DNAH6: variants seen among roughly 807,000 people sequenced by gnomAD.
DNAH6 encodes dynein axonemal heavy chain 6, also known as axonemal beta dynein heavy chain 6.
In DNAH6, 340 loss-of-function variants were observed where a neutral mutation model predicts 491.4. The ratio of observed to expected loss-of-function variants is 0.69; its 90% CI spans 0.63 to 0.76. DNAH6 has a LOEUF of 0.76. Ranked by LOEUF, DNAH6 falls within the 30% of genes least tolerant of loss-of-function variation. The probability of loss-of-function intolerance (pLI) is 0.00; values close to 1 mark genes in which losing one functional copy is unlikely to be tolerated. For synonymous variants in DNAH6, 1,603 were observed against 1,686.1 expected (o/e 0.95, Z 1.21); for missense variants, 4,443 against 4,972.2 (o/e 0.89, Z 3.20).
rs139236007 is a variant in DNAH6, at chr2:84,743,612, A to G, written c.10343-1468A>G. 1.0e-2 allele frequency among the ~76,000 whole-genome samples: 1,522 copies of G among 152,242 alleles called. 27 individuals carry two copies. Among genetic ancestry groups the G allele is most frequent in the African/African-American group, 0.034 (1,429 of 41,542 alleles). On this transcript the variant is annotated intron_variant, in intron 62 of 76. Transcript: ENST00000389394. ...TGAGGCGAGTGGATTGCCTGAGCTC[A>G]GGAGTTGGAGACCAGCCTGGCCAAC...
chr2:84,606,641 A>C (rs536289986), intron 20 of DNAH6, among the ~76,000 whole-genome samples: 2 of 152,210 alleles, frequency 1.3e-5, no homozygotes, highest in Non-Finnish European at 2.9e-5. Flanking sequence ...AGGCAAGCCC[A>C]GGTGACCAAA....
chr2:84,584,034 T>C lies in DNAH6; in HGVS notation c.2265T>C (p.Thr755=), dbSNP rs1208954349. ...TTGAAGATGAGGGGAATATAGTGAC[T>C]CAAATGTACAAGCTTATGGAACAAT... is the stretch of plus-strand genomic sequence containing the variant. ...ESLEDEGNIV[T]QMYKLMEQYQ... Residue 755 remains threonine (T), a synonymous_variant, in exon 15 of 77, where the codon ACT becomes ACC. Transcript: ENST00000389394. The C allele has an allele frequency of 2.5e-6, 4 of 1,614,030 alleles. No individual in the cohort carries two copies. In the Admixed American group the frequency reaches 5.0e-5, roughly 20 times the overall value.
In DNAH6 at chr2:84,681,835, C is replaced by A. The variant is rs141596616; in HGVS notation, c.6916+307C>A. Reference sequence around the variant, plus strand: ...GCATCTTCCTTCCCTGGGCTGAGCTCCCCCTCCATCTGTCAGTGTCAATGC... The same window carrying A: ...GCATCTTCCTTCCCTGGGCTGAGCTACCCCTCCATCTGTCAGTGTCAATGC... On this transcript the variant is annotated intron_variant, in intron 42 of 76. Transcript: ENST00000389394. 2.8e-3 allele frequency among the ~76,000 whole-genome samples: 424 copies of A among 152,204 alleles called. 2 individuals carry two copies. The highest frequency in any genetic ancestry group is 9.5e-3 in the African/African-American group (394 of 41,512).
chr2:84,650,542 C>A (rs1010553120), intron 33 of DNAH6, among the ~76,000 whole-genome samples: 3 of 145,354 alleles, frequency 2.1e-5, no homozygotes, highest in Non-Finnish European at 4.5e-5. Flanking sequence ...TCTTTTGTTT[C>A]TATTGTGTTC....
chr2:84,727,328 C>G (rs1018810954), intron 60 of DNAH6, among the ~76,000 whole-genome samples: 2 of 152,042 alleles, frequency 1.3e-5, no homozygotes, highest in Non-Finnish European at 2.9e-5. Context: ...GAATTCTAGA[C>G]TTTTTCATAG....
At position 84,548,370 on chromosome 2, in the gene DNAH6, A is replaced by G. The variant is rs774188153; in HGVS notation, c.1269A>G (p.Thr423=). Reference sequence around the variant, plus strand: ...CTTATGGAGACTCTGAGAAAATGACATATACAGAACAGGCCAGCAAAAGGC... The same window carrying G: ...CTTATGGAGACTCTGAGAAAATGACGTATACAGAACAGGCCAGCAAAAGGC... ...LPTYGDSEKM[T]YTEQASKRHY... The change falls in exon 8 of 77, where the codon ACA becomes ACG. Residue 423 remains threonine, a synonymous_variant. Coordinates refer to ENST00000389394, the MANE Select transcript of DNAH6 (RefSeq NM_001370.2). The G allele has an allele frequency of 1.2e-6, 2 of 1,614,066 alleles. No individual in the cohort carries two copies. Among genetic ancestry groups the G allele is most frequent in the Non-Finnish European group, 1.7e-6 (2 of 1,179,968 alleles).
chr2:84,675,862 G>A (rs77521680), intron 40 of DNAH6, among the ~76,000 whole-genome samples: 4,358 of 152,114 alleles, frequency 0.029, 229 homozygotes, highest in African/African-American at 0.099. Flanking sequence ...GTTTCGTCGT[G>A]TTGCCCAACC....
At chr2:84,602,006 C>G (rs1421012866) in intron 18 of DNAH6, among the ~76,000 whole-genome samples, 2 of 151,956 alleles carry the variant, frequency 1.3e-5, no homozygotes, top group African/African-American at 4.8e-5. Context: ...TATAATAGTA[C>G]ACACCCAATT....
intron 40 of DNAH6, among the ~76,000 whole-genome samples, 191 bp downstream of exon 40, chr2:84,672,675 C>T (rs1337930290): frequency 6.6e-6 from 1 of 152,168 alleles, no homozygotes; most frequent in African/African-American, 2.4e-5. Context: ...TTCTTCTGAA[C>T]ACTCTTTCCT....
chr2:84,728,685 A>G (rs1698872927), intron 61 of DNAH6, among the ~76,000 whole-genome samples: 2 of 152,190 alleles, frequency 1.3e-5, no homozygotes, highest in Admixed American at 6.5e-5. Context: ...ATTATAAAGC[A>G]TGGGAAGTGA....
rs191226772 is a variant in DNAH6 at position 84,569,300 on chromosome 2, T to C, written c.1804-4167T>C. On this transcript the variant is annotated intron_variant, in intron 11 of 76. Coordinates refer to ENST00000389394, the MANE Select transcript of DNAH6 (RefSeq NM_001370.2). The stretch of plus-strand genomic sequence containing the variant: ...ACAAAAGAATATCTATAGTATACTA[T>C]AGATATTCAGAAGTTTATGTCAGAA... 1.2e-4 allele frequency among the ~76,000 whole-genome samples: 19 copies of C among 152,070 alleles called. No individual in the cohort carries two copies. In the East Asian group the frequency reaches 2.5e-3, roughly 20 times the overall value.
Position 84,733,575 on chromosome 2 carries a change from C to CTT in DNAH6, c.10339_10340dup (p.Leu3447PhefsTer2), listed in dbSNP as rs1196362467. 1 of 1,550,958 alleles carries CTT rather than the reference C, an allele frequency of 6.4e-7. No homozygotes were observed. The highest frequency in any genetic ancestry group is 1.4e-5 in the African/African-American group (1 of 73,012). ...TATTGTCACATCCTATTTCCATACG[C>CTT]TTAGGTAATGTGACAAAAAGAACCT... On this transcript the variant is annotated frameshift_variant, in exon 62 of 77. Coordinates refer to ENST00000389394, the MANE Select transcript of DNAH6 (RefSeq NM_001370.2). LOFTEE classifies it high-confidence loss of function.
chr2:84,469,966 G>T, the DNAH6 span, among the ~76,000 whole-genome samples: 1,681 of 152,006 alleles, frequency 0.011, 28 homozygotes, highest in African/African-American at 0.039. This position sits in a 1 kb window ranked among gnomAD's most constrained non-coding sequence, Gnocchi z 4.0. Context: ...TGCCTTTTAT[G>T]AAGAGGGGCC....
chr2:84,565,915 C>G (rs1201513104), intron 11 of DNAH6, among the ~76,000 whole-genome samples: 1 of 151,860 alleles, frequency 6.6e-6, no homozygotes, highest in Non-Finnish European at 1.5e-5. Context: ...AATAGTGACT[C>G]CTGCTCTTTT....
At chr2:84,575,313 C>T (rs1324356615) in intron 12 of DNAH6, among the ~76,000 whole-genome samples, 1 of 152,266 alleles carries the variant, frequency 6.6e-6, no homozygotes, top group Admixed American at 6.5e-5. Context: ...TAGGTTCTGG[C>T]TTCCTGACAA....
chr2:84,803,622 A>G (rs1322739911), intron 70 of DNAH6, among the ~76,000 whole-genome samples: 2 of 152,054 alleles, frequency 1.3e-5, no homozygotes, highest in Non-Finnish European at 2.9e-5. Flanking sequence ...AAGGAGTAAT[A>G]TAGATGGTCA....
intron 54 of DNAH6, among the ~76,000 whole-genome samples, chr2:84,708,766 A>C (rs1696762880): frequency 6.6e-6 from 1 of 152,210 alleles, no homozygotes; most frequent in Admixed American, 6.5e-5. Context: ...GTCTTCCTAA[A>C]AATGTTTACC....
intron 45 of DNAH6, among the ~76,000 whole-genome samples, chr2:84,692,414 AAGGTAGATAGATAGATAGAT>A (rs762487788): frequency 7.4e-4 from 107 of 144,584 alleles, no homozygotes; most frequent in South Asian, 1.2e-3. Context: ...CAATATAAAT[AAGGTAGATAGATAGATAGAT>A]AGATAGATAG....
intron 2 of DNAH6, among the ~76,000 whole-genome samples, chr2:84,524,347 A>G: frequency 6.6e-6 from 1 of 151,792 alleles, no homozygotes; most frequent in East Asian, 1.9e-4. Context: ...GTGTTACTGC[A>G]TGTGAGATGG....
Sources: gnomAD v4.1 joint callset for allele counts (sites outside exome capture counted in the v4.1 genomes callset) on GRCh38, gnomAD v4.1.1 for gene constraint, Gnocchi (gnomAD v3.1) non-coding constraint, MANE v1.5 for transcripts, NCBI Gene and HGNC (gene_info 2026-07-23, HGNC 2026-07-21) for gene names.